Variants in GPR84 observed in about 807,000 individuals in gnomAD.
GPR84 encodes the protein G-protein coupled receptor 84.
Under a neutral mutation model 14.9 loss-of-function variants are expected in GPR84, and 8 were observed. That is an observed-to-expected ratio of 0.54 (90% CI 0.31 to 0.97). The LOEUF (loss-of-function observed/expected upper bound fraction) is 0.97, where lower values mean the gene tolerates loss of function less well. Among genes scored for constraint, GPR84 ranks in the 50% least tolerant of loss-of-function variants. The pLI is 0.04. For missense variants in GPR84, 424 were observed against 498.7 expected, an observed-to-expected ratio of 0.85 and a Z score of 1.43; for synonymous variants, 164 against 198.1, an observed-to-expected ratio of 0.83 and a Z score of 1.45.
At chr12:54,359,471 A>G (rs906376417), downstream of GPR84, among the ~76,000 whole-genome samples, 1 of 220 alleles carries the variant, frequency 4.5e-3, no homozygotes, top group African/African-American at 0.017. Flanking sequence ...GCTTAGGAGA[A>G]AAAAAAAGGC....
chr12:54,360,547 G>C (rs1405099582), downstream of GPR84, among the ~76,000 whole-genome samples: 2 of 152,182 alleles, frequency 1.3e-5, no homozygotes, highest in African/African-American at 4.8e-5. Context: ...GCCCCAGCTT[G>C]ATTTGGTTTA....
At chr12:54,355,452 A>G in the GPR84 span, among the ~76,000 whole-genome samples, 2 of 152,000 alleles carry the variant, frequency 1.3e-5, no homozygotes, top group Non-Finnish European at 1.5e-5. Flanking sequence ...GAGGCACCCC[A>G]TACTAGCCCC....
downstream of GPR84, among the ~76,000 whole-genome samples, chr12:54,360,822 A>G (rs867734829): frequency 2.6e-5 from 4 of 152,270 alleles, no homozygotes; most frequent in South Asian, 2.1e-4. Flanking sequence ...CAGTGCCCAC[A>G]CCGCTACTTC....
At chr12:54,352,396 T>A in the GPR84 span, among the ~76,000 whole-genome samples, 1 of 152,150 alleles carries the variant, frequency 6.6e-6, no homozygotes, top group Admixed American at 6.5e-5. Flanking sequence ...GCGCAGCGCC[T>A]GGCCCTGCAT....
downstream of GPR84, chr12:54,362,315 TG>T (rs1954277153): frequency 5.3e-6 from 1 of 190,422 alleles, no homozygotes; most frequent in African/African-American, 2.3e-5. This position sits in a 1 kb window ranked among gnomAD's most constrained non-coding sequence, Gnocchi z 4.0. Context: ...TTTAGGGATA[TG>T]TGTGAGCATG....
downstream of GPR84, among the ~76,000 whole-genome samples, chr12:54,359,657 G>A (rs960615635): frequency 6.6e-6 from 1 of 152,124 alleles, no homozygotes; most frequent in Non-Finnish European, 1.5e-5. Context: ...ACACTCGTGA[G>A]CATAAAGGGC....
At chr12:54,353,352 C>G in the GPR84 span, among the ~76,000 whole-genome samples, 4 of 152,106 alleles carry the variant, frequency 2.6e-5, no homozygotes, top group South Asian at 6.2e-4. Context: ...CCCCTCTCCC[C>G]CTTCCTCCCC....
In GPR84 at chr12:54,362,982, G is replaced by A. The variant is rs145479303; in HGVS notation, c.870C>T (p.Ser290=). 1.3e-4 allele frequency: 216 copies of A among 1,614,164 alleles called. No homozygotes were observed. In the African/African-American group the frequency reaches 2.5e-3, roughly 19 times the overall value. The change falls in exon 2 of 2, where the codon AGC becomes AGT. Residue 290 remains serine, a synonymous_variant. Coordinates refer to ENST00000267015, the MANE Select transcript of GPR84 (RefSeq NM_020370.3). The surrounding 1 kb of genome is among the most constrained non-coding windows in gnomAD (Gnocchi z 4.0). Reference sequence around the variant, plus strand: ...GGGCTTTGGCAGATGCTTCTGGAGGGCTTTTCTCTGCCATCTGCTTAGCTC... The same window carrying A: ...GGGCTTTGGCAGATGCTTCTGGAGGACTTTTCTCTGCCATCTGCTTAGCTC... The part of the protein sequence containing the change: ...SKRAKQMAEK[S]PPEASAKAQP...
chr12:54,352,520 G>T, the GPR84 span, among the ~76,000 whole-genome samples: 1 of 152,242 alleles, frequency 6.6e-6, no homozygotes, highest in East Asian at 1.9e-4. Context: ...TTTAAGGAGG[G>T]GGGAGTGTGG....
At chr12:54,361,455 C>T (rs1954268219), downstream of GPR84, among the ~76,000 whole-genome samples, 4 of 152,184 alleles carry the variant, frequency 2.6e-5, no homozygotes, top group Admixed American at 2.6e-4. The surrounding 1 kb of genome is among the most constrained non-coding windows in gnomAD (Gnocchi z 4.3). Flanking sequence ...ACTGTACCCT[C>T]CACCTCCCGG....
chr12:54,361,733 C>A (rs1400189638), downstream of GPR84, among the ~76,000 whole-genome samples: 1 of 152,164 alleles, frequency 6.6e-6, no homozygotes, highest in African/African-American at 2.4e-5. The surrounding 1 kb of genome is among the most constrained non-coding windows in gnomAD (Gnocchi z 4.3). Flanking sequence ...GTCTTGAACT[C>A]CTGACCTTAG....
At chr12:54,359,482 G>A (rs1166351861), downstream of GPR84, among the ~76,000 whole-genome samples, 1 of 151,582 alleles carries the variant, frequency 6.6e-6, no homozygotes, top group East Asian at 1.9e-4. Flanking sequence ...AAAAAAAGGC[G>A]ATAACAGAGG....
chr12:54,363,725 G>C lies in GPR84; in HGVS notation c.127C>G (p.Leu43Val). ...TGTVGNVLTL[L>V]ALAIQPKLRT... ...AGCTTGGGCTGGATGGCCAAGGCCA[G>C]TAGGGTGAGCACATTGCCCACGGTG... is the stretch of plus-strand genomic sequence containing the variant. Residue 43 changes from leucine to valine, a missense_variant, in exon 2 of 2, where the codon CTG becomes GTG. Leu to Val is a conservative substitution (Grantham distance 32). Coordinates refer to ENST00000267015, the MANE Select transcript of GPR84 (RefSeq NM_020370.3). The C allele has an allele frequency of 6.2e-7, 1 of 1,614,044 alleles. No homozygotes were observed. Among genetic ancestry groups the C allele is most frequent in the South Asian group, 1.1e-5 (1 of 91,066 alleles).
At chr12:54,359,146 G>T (rs532048391), downstream of GPR84, among the ~76,000 whole-genome samples, 18 of 152,120 alleles carry the variant, frequency 1.2e-4, no homozygotes, top group Non-Finnish European at 2.1e-4. Flanking sequence ...GGGAAGGGGA[G>T]GGGAGGGGCA....
chr12:54,362,590 A>G lies in GPR84; in HGVS notation c.*71T>C. 2 of 906,660 alleles carry G rather than the reference A, an allele frequency of 2.2e-6. No homozygotes were observed. Among genetic ancestry groups the G allele is most frequent in the Non-Finnish European group, 3.5e-6 (2 of 578,066 alleles). The allele number at this position is 906,660 out of a possible 1,614,324, so 56.2% of individuals were successfully genotyped here. A position where few individuals can be genotyped will look rare whatever the true frequency, so the allele number is the denominator to read the frequency against. On this transcript the variant is annotated 3_prime_UTR_variant, in exon 2 of 2. Transcript: ENST00000267015. This position sits in a 1 kb window ranked among gnomAD's most constrained non-coding sequence, Gnocchi z 4.0. ...AATGCCCACATGTGTTATTTCACCT[A>G]TTCTCCTATTACCTGGCCACTTTGG... is the stretch of plus-strand genomic sequence containing the variant.
At position 54,362,496 on chromosome 12, in the gene GPR84, C is replaced by T; in HGVS notation, c.*165G>A. ...TAATTAATAATACTCCTTGGGCAGT[C>T]TAGGGCTGAAACATTGATCAAGTGA... On this transcript the variant is annotated 3_prime_UTR_variant, in exon 2 of 2. Coordinates refer to ENST00000267015, the MANE Select transcript of GPR84 (RefSeq NM_020370.3). This position sits in a 1 kb window ranked among gnomAD's most constrained non-coding sequence, Gnocchi z 4.0. The T allele has an allele frequency of 1.5e-6, 1 of 652,816 alleles. No homozygotes were observed. The highest frequency in any genetic ancestry group is 2.5e-5 in the East Asian group (1 of 40,036). 40.4% of individuals were successfully genotyped at this position (652,816 alleles called of 1,614,324 possible). A position where few individuals can be genotyped will look rare whatever the true frequency, so the allele number is the denominator to read the frequency against.
Position 54,363,681 on chromosome 12 carries a change from C to T in GPR84, c.171G>A (p.Leu57=), listed in dbSNP as rs1441771010. Residue 57 remains leucine, a synonymous_variant, in exon 2 of 2, where the codon CTG becomes CTA. Transcript: ENST00000267015. ...IQPKLRTRFN[L]LIANLTLADL... is the part of the protein sequence containing the mutation. ...CAGCCAGTGTGAGGTTGGCTATGAGCAGGTTGAATCGGGTACGGAGCTTGG... is the reference window on the plus strand; with the variant it reads ...CAGCCAGTGTGAGGTTGGCTATGAGTAGGTTGAATCGGGTACGGAGCTTGG... 6 of 1,613,892 alleles carry T rather than the reference C, an allele frequency of 3.7e-6. No homozygotes were observed. The highest frequency in any genetic ancestry group is 4.5e-5 in the East Asian group (2 of 44,890).
At chr12:54,364,249 T>C (rs947125867) in intron 1 of GPR84, 144 bp downstream of exon 1, 1 of 170,432 alleles carries the variant, frequency 5.9e-6, no homozygotes, top group Non-Finnish European at 1.3e-5. Context: ...TTCAGCATCG[T>C]GTATTCAGGA....
the GPR84 span, among the ~76,000 whole-genome samples, chr12:54,352,316 C>G: frequency 6.6e-6 from 1 of 152,174 alleles, no homozygotes; most frequent in Non-Finnish European, 1.5e-5. Flanking sequence ...CGCCATTTCC[C>G]CGTCCCTCCA....
Sources: gnomAD v4.1 joint callset for allele counts (sites outside exome capture counted in the v4.1 genomes callset) on GRCh38, gnomAD v4.1.1 for gene constraint, Gnocchi (gnomAD v3.1) non-coding constraint, MANE v1.5 for transcripts, NCBI Gene and HGNC (gene_info 2026-07-23, HGNC 2026-07-21) for gene names.